Variants in GSS observed in about 807,000 individuals in gnomAD.
GSS encodes the protein GSH synthetase.
A neutral mutation model predicts 60.4 loss-of-function variants in GSS; 34 were observed. That is an observed-to-expected ratio of 0.56 (90% confidence interval 0.43 to 0.75). The LOEUF (loss-of-function observed/expected upper bound fraction) is 0.75. Ranked by LOEUF, GSS falls within the 30% of genes least tolerant of loss-of-function variation. The probability of loss-of-function intolerance (pLI) is 0.00; values close to 1 mark genes in which losing one functional copy is unlikely to be tolerated. For synonymous variants in GSS, 224 were observed against 239.0 expected (o/e 0.94, Z 0.58); for missense variants, 499 against 595.1 (o/e 0.84, Z 1.68).
chr20:34,928,934 A>C lies in GSS; in HGVS notation c.1319T>G (p.Val440Gly). 1 of 1,613,394 alleles carries C rather than the reference A, an allele frequency of 6.2e-7. No individual in the cohort carries two copies. The highest frequency in any genetic ancestry group is 8.5e-7 in the Non-Finnish European group (1 of 1,180,012). ...GVYVRQEKTL[V>G]MNKHVGHLLR... ...TAGATGCCCCACGTGCTTGTTCATC[A>C]CGAGTGTCTTTTCCTGCCTATAGAA... The change falls in exon 13 of 13, where the codon GTG becomes GGG. Residue 440 changes from valine (V) to glycine (G), a missense_variant. By Grantham distance (109) the Val-to-Gly change is moderately radical (BLOSUM62 -3). Coordinates refer to ENST00000651619, the MANE Select transcript of GSS (RefSeq NM_000178.4).
intron 9 of GSS, among the ~76,000 whole-genome samples, chr20:34,932,365 T>C (rs901091908): frequency 6.6e-6 from 1 of 152,120 alleles, no homozygotes; most frequent in Non-Finnish European, 1.5e-5. Flanking sequence ...TGGGAAACAA[T>C]AGAAGGTGTA....
intron 1 of GSS, chr20:34,952,657 A>G (rs1352025115): frequency 6.6e-6 from 1 of 152,144 alleles, no homozygotes; most frequent in Non-Finnish European, 1.5e-5. Flanking sequence ...GATGATCTTG[A>G]TCTTCTGACC....
intron 6 of GSS, among the ~76,000 whole-genome samples, chr20:34,937,471 G>A (rs1436292872): frequency 6.6e-6 from 1 of 152,108 alleles, no homozygotes; most frequent in Non-Finnish European, 1.5e-5. Flanking sequence ...CGGGGCTAAT[G>A]GCTCTATTAC....
intron 2 of GSS, among the ~76,000 whole-genome samples, chr20:34,947,649 A>G (rs562349836): frequency 2.0e-5 from 3 of 151,862 alleles, no homozygotes; most frequent in Non-Finnish European, 4.4e-5. Context: ...ACTATACTAC[A>G]TTGTGCTTTT....
chr20:34,939,673 G>GT (rs554476299), intron 6 of GSS, among the ~76,000 whole-genome samples: 5,445 of 138,088 alleles, frequency 0.039, 297 homozygotes, highest in African/African-American at 0.12. Context: ...TTTGTTTTTT[G>GT]TTTTTTTTTT....
chr20:34,947,420 AATACATG>A (rs2081531486), intron 2 of GSS, among the ~76,000 whole-genome samples: 1 of 151,888 alleles, frequency 6.6e-6, no homozygotes, highest in South Asian at 2.1e-4. Context: ...AGGTAATACA[AATACATG>A]ATACAAAATT....
At chr20:34,936,241 T>C (rs2081439748) in intron 8 of GSS, among the ~76,000 whole-genome samples, 1 of 152,212 alleles carries the variant, frequency 6.6e-6, no homozygotes, top group Admixed American at 6.5e-5. Context: ...TATTGTGAAA[T>C]TCCATGGACA....
chr20:34,953,531 TTTTCCC>T (rs567758110), intron 1 of GSS, among the ~76,000 whole-genome samples: 66 of 151,706 alleles, frequency 4.4e-4, no homozygotes, highest in African/African-American at 1.1e-3. Context: ...CCTTCCTTCC[TTTTCCC>T]TTTCCCTTTC....
chr20:34,935,519 C>T, intron 9 of GSS, 57 bp downstream of exon 9: 1 of 1,164,762 alleles, frequency 8.6e-7, no homozygotes, highest in Non-Finnish European at 1.3e-6. Context: ...AATTGGGTCT[C>T]TGTGGAGCTC....
intron 11 of GSS, among the ~76,000 whole-genome samples, chr20:34,930,742 T>G (rs1421410609): frequency 6.6e-6 from 1 of 151,964 alleles, no homozygotes; most frequent in Non-Finnish European, 1.5e-5. Context: ...AAATCCAATT[T>G]CTCAGTATAT....
At chr20:34,948,924 G>C (rs916764655) in intron 2 of GSS, among the ~76,000 whole-genome samples, 1 of 152,208 alleles carries the variant, frequency 6.6e-6, no homozygotes, top group Non-Finnish European at 1.5e-5. Flanking sequence ...CTCTAAAGGG[G>C]GCAGCCAGAA....
intron 4 of GSS, 22 bp from the exon 5 acceptor site, chr20:34,942,649 G>A (rs1293400515): frequency 6.2e-7 from 1 of 1,613,074 alleles, no homozygotes. Context: ...ACTGAAGGCT[G>A]ACAGTACCTG....
intron 3 of GSS, among the ~76,000 whole-genome samples, chr20:34,944,661 A>C (rs1456352175): frequency 6.6e-6 from 1 of 152,240 alleles, no homozygotes; most frequent in African/African-American, 2.4e-5. Context: ...GCATATACGT[A>C]ATGAGACATC....
At position 34,928,558 on chromosome 20, in the gene GSS, G is replaced by A; in HGVS notation, c.*270C>T. On this transcript the variant is annotated 3_prime_UTR_variant, in exon 13 of 13. Coordinates refer to ENST00000651619, the MANE Select transcript of GSS (RefSeq NM_000178.4). The stretch of plus-strand genomic sequence containing the variant: ...TGGAACCTGCTGAAAAGGCTGATGA[G>A]GGGCTGACAGGAGTGGGGCAGGGTT... 1 of 538,150 alleles carries A rather than the reference G, an allele frequency of 1.9e-6. No individual in the cohort carries two copies. The highest frequency in any genetic ancestry group is 2.0e-5 in the South Asian group (1 of 48,846). 33.3% of individuals were successfully genotyped at this position (538,150 alleles called of 1,614,324 possible).
chr20:34,931,414 C>T lies in GSS; in HGVS notation c.1033G>A (p.Glu345Lys), dbSNP rs957943815. The T allele has an allele frequency of 1.9e-6, 3 of 1,613,980 alleles. No individual in the cohort carries two copies. The highest frequency in any genetic ancestry group is 2.2e-5 in the South Asian group (2 of 91,088). The change falls in exon 11 of 13, where the codon GAA (glutamate) becomes AAA (lysine). Residue 345 changes from glutamate to lysine, a missense_variant. Coordinates refer to ENST00000651619, the MANE Select transcript of GSS (RefSeq NM_000178.4). ...TCGGCGATGGCCTGGTCCCCTTCTT[C>T]ACCCTGGCAGGAGGCAGAAAGCAGT... is the stretch of plus-strand genomic sequence containing the variant. ...FAGLYSLDVG[E>K]EGDQAIAEAL...
intron 4 of GSS, 53 bp downstream of exon 4, chr20:34,942,878 A>T: frequency 7.7e-7 from 1 of 1,302,434 alleles, no homozygotes; most frequent in Non-Finnish European, 1.1e-6. Flanking sequence ...ACAGAAAACA[A>T]ACAGAGATGG....
chr20:34,948,864 A>T (rs2081543540), intron 2 of GSS, among the ~76,000 whole-genome samples: 1 of 152,138 alleles, frequency 6.6e-6, no homozygotes, highest in Non-Finnish European at 1.5e-5. Context: ...TGTAGCCAGG[A>T]AGCAACAGGG....
intron 9 of GSS, among the ~76,000 whole-genome samples, chr20:34,932,526 G>C (rs545858423): frequency 6.6e-6 from 1 of 152,110 alleles, no homozygotes; most frequent in South Asian, 2.1e-4. Flanking sequence ...ACTCACACAG[G>C]CCTGTCATTC....
intron 6 of GSS, 82 bp from the exon 7 acceptor site, chr20:34,937,105 C>T: frequency 1.1e-6 from 1 of 903,136 alleles, no homozygotes; most frequent in Middle Eastern, 3.2e-4. Flanking sequence ...CATACCGCCC[C>T]ACCTCCTGGA....
Sources: gnomAD v4.1 joint callset for allele counts (sites outside exome capture counted in the v4.1 genomes callset) on GRCh38, gnomAD v4.1.1 for gene constraint, MANE v1.5 for transcripts, NCBI Gene and HGNC (gene_info 2026-07-23, HGNC 2026-07-21) for gene names.